The following LRATD1 variants were observed in gnomAD, a reference collection of about 807,000 sequenced individuals.
LRATD1 encodes the protein protein LRATD1.
Under a neutral mutation model 21.3 loss-of-function variants are expected in LRATD1, and 8 were observed. The observed-to-expected ratio is 0.38, with a 90% CI of 0.22 to 0.68. The LOEUF (loss-of-function observed/expected upper bound fraction) is 0.68. LRATD1 is among the 30% of genes least tolerant of loss of function. The probability of loss-of-function intolerance (pLI) is 0.54; values close to 1 mark genes in which losing one functional copy is unlikely to be tolerated. For synonymous variants in LRATD1, 210 were observed against 186.2 expected (o/e 1.13, Z -1.04); for missense variants, 380 against 404.0 (o/e 0.94, Z 0.51).
chr2:14,635,388 A>C lies in LRATD1; in HGVS notation c.*530A>C, dbSNP rs1214204807. Reference sequence around the variant, plus strand: ...AAGAAATCGAGCCTGTCCCTTGTGCACTTGGGAATAATTCCCCAAGACAGC... The same window carrying C: ...AAGAAATCGAGCCTGTCCCTTGTGCCCTTGGGAATAATTCCCCAAGACAGC... On this transcript the variant is annotated 3_prime_UTR_variant, in exon 2 of 2. Coordinates refer to ENST00000295092, the MANE Select transcript of LRATD1 (RefSeq NM_145175.4). The C allele has an allele frequency of 4.2e-6, 2 of 472,570 alleles. No individual in the cohort carries two copies. The highest frequency in any genetic ancestry group is 8.8e-6 in the Non-Finnish European group (2 of 228,082). 29.3% of individuals were successfully genotyped at this position (472,570 alleles called of 1,614,324 possible). A position where few individuals can be genotyped will look rare whatever the true frequency, so the allele number is the denominator to read the frequency against.
Position 14,634,945 on chromosome 2 carries a change from C to G in LRATD1, c.*87C>G, listed in dbSNP as rs773098737. The G allele has an allele frequency of 4.8e-6, 7 of 1,456,366 alleles. No homozygotes were observed. Among genetic ancestry groups the G allele is most frequent in the Middle Eastern group, 3.6e-4 (2 of 5,626 alleles). The allele number at this position is 1,456,366 out of a possible 1,614,324, so 90.2% of individuals were successfully genotyped here. A position where few individuals can be genotyped will look rare whatever the true frequency, so the allele number is the denominator to read the frequency against. ...CCCGGACTTCGCAGTCAGCGGTTCT[C>G]AACCTCTGCCCCGCCCCGCCACGCG... On this transcript the variant is annotated 3_prime_UTR_variant, in exon 2 of 2. Coordinates refer to ENST00000295092, the MANE Select transcript of LRATD1 (RefSeq NM_145175.4).
At position 14,634,051 on chromosome 2, in the gene LRATD1, T is replaced by C; in HGVS notation, c.72T>C (p.Ile24=). 1 of 1,614,082 alleles carries C rather than the reference T, an allele frequency of 6.2e-7. No homozygotes were observed. The highest frequency in any genetic ancestry group is 8.5e-7 in the Non-Finnish European group (1 of 1,180,016). ...SELPTGDPSG[I]EKDELRVGVA... is the part of the protein sequence containing the mutation. ...TGCCCACAGGGGACCCGTCGGGGAT[T>C]GAAAAGGACGAACTGCGGGTCGGGG... The change falls in exon 2 of 2, where the codon ATT becomes ATC. Residue 24 remains isoleucine, a synonymous_variant. Coordinates refer to ENST00000295092, the MANE Select transcript of LRATD1 (RefSeq NM_145175.4).
At position 14,634,541 on chromosome 2, in the gene LRATD1, G is replaced by A. The variant is rs1276503118; in HGVS notation, c.562G>A (p.Val188Met). The A allele has an allele frequency of 1.3e-6, 2 of 1,495,672 alleles. No individual in the cohort carries two copies. Among genetic ancestry groups the A allele is most frequent in the South Asian group, 1.4e-5 (1 of 73,112 alleles). The allele number at this position is 1,495,672 out of a possible 1,614,324, so 92.7% of individuals were successfully genotyped here. A position where few individuals can be genotyped will look rare whatever the true frequency, so the allele number is the denominator to read the frequency against. ...TAGCTGGTACCGCTACCGCCCGCTG[G>A]TGGCCGAGCTGGTGGTGCAGAACGC... ...VNSWYRYRPLVAELVVQNACG... is the reference protein window; with the variant it reads ...VNSWYRYRPLMAELVVQNACG... The change falls in exon 2 of 2, where the codon GTG (valine) becomes ATG (methionine). Residue 188 changes from valine to methionine, a missense_variant. Transcript: ENST00000295092.
rs1671677934 is a variant in LRATD1 at position 14,635,849 on chromosome 2, C to G, written c.*991C>G. 1 of 368,264 alleles carries G rather than the reference C, an allele frequency of 2.7e-6. No homozygotes were observed. Among genetic ancestry groups the G allele is most frequent in the Admixed American group, 3.8e-5 (1 of 26,538 alleles). 22.8% of individuals were successfully genotyped at this position (368,264 alleles called of 1,614,324 possible). On this transcript the variant is annotated 3_prime_UTR_variant, in exon 2 of 2. Coordinates refer to ENST00000295092, the MANE Select transcript of LRATD1 (RefSeq NM_145175.4). ...ACCATTCCAGAAACCAGCATTGTTA[C>G]AACACCATAGCCAGTATATTTAGTT...
At chr2:14,648,507 A>G (rs2103414595) in intron 4 of LRATD1, among the ~76,000 whole-genome samples, 1 of 152,246 alleles carries the variant, frequency 6.6e-6, no homozygotes, top group Non-Finnish European at 1.5e-5. Flanking sequence ...ACTTTTGCAA[A>G]TTTTTTAAAT....
In LRATD1 at chr2:14,633,714, C is replaced by A. The variant is rs1671604948; in HGVS notation, c.-36-230C>A. The stretch of plus-strand genomic sequence containing the variant: ...TCTTCTGGGAGTTGGACCGAGTTCC[C>A]GGAAGGGGTCGGAGGCTGTGTGGTG... On this transcript the variant is annotated intron_variant, in intron 1 of 1. Transcript: ENST00000295092. This position sits in a 1 kb window ranked among gnomAD's most constrained non-coding sequence, Gnocchi z 7.5. 2 of 466,276 alleles carry A rather than the reference C, an allele frequency of 4.3e-6. No homozygotes were observed. Among genetic ancestry groups the A allele is most frequent in the African/African-American group, 1.9e-5 (1 of 51,830 alleles). 28.9% of individuals were successfully genotyped at this position (466,276 alleles called of 1,614,324 possible).
downstream of LRATD1, chr2:14,649,900 T>C (rs1050184798): frequency 1.3e-5 from 2 of 153,340 alleles, no homozygotes; most frequent in African/African-American, 2.4e-5. Flanking sequence ...AGTTCCCTTA[T>C]AAAATAGGTC....
At chr2:14,647,282 G>A (rs542619553) in intron 4 of LRATD1, among the ~76,000 whole-genome samples, 201 of 152,170 alleles carry the variant, frequency 1.3e-3, no homozygotes, top group Middle Eastern at 6.8e-3. Flanking sequence ...GTCTTTATAG[G>A]TGATAAATCT....
At position 14,647,238 on chromosome 2, in the gene LRATD1, T is replaced by G. The variant is rs536803412; in HGVS notation, n.436+773T>G. 1.8e-4 allele frequency among the ~76,000 whole-genome samples: 27 copies of G among 152,184 alleles called. 1 individual carries two copies. The highest frequency in any genetic ancestry group is 3.5e-4 in the Non-Finnish European group (24 of 68,024). ...GTGAATTTTCTTTTATCACTGAGAT[T>G]GCAGGTTTCCCAATTTTTGAATGTG... On this transcript the variant is annotated intron_variant and non_coding_transcript_variant, in intron 4 of 5. Transcript: ENST00000464947.
At position 14,634,876 on chromosome 2, in the gene LRATD1, G is replaced by T. The variant is rs1183243533; in HGVS notation, c.*18G>T. 1.9e-6 allele frequency: 3 copies of T among 1,600,362 alleles called. No individual in the cohort carries two copies. The highest frequency in any genetic ancestry group is 2.6e-6 in the Non-Finnish European group (3 of 1,171,800). Reference sequence around the variant, plus strand: ...AGGAGTAGCCGCCTAGGGGCTGCCGGCCCCTCTGCCTCCCCCGCACCTCGC... The same window carrying T: ...AGGAGTAGCCGCCTAGGGGCTGCCGTCCCCTCTGCCTCCCCCGCACCTCGC... On this transcript the variant is annotated 3_prime_UTR_variant, in exon 2 of 2. Transcript: ENST00000295092.
rs1313990585 is a variant in LRATD1, at chr2:14,639,407, T to C, written c.*4549T>C. ...ATAAAGTGGGGAGGCTATGAGATCA[T>C]ATAATGAGCTAATAAACTTTTCAAC... is the stretch of plus-strand genomic sequence containing the variant. On this transcript the variant is annotated 3_prime_UTR_variant, in exon 2 of 2. Coordinates refer to ENST00000295092, the MANE Select transcript of LRATD1 (RefSeq NM_145175.4). The C allele has an allele frequency of 1.2e-5, 2 of 166,902 alleles. No individual in the cohort carries two copies. The highest frequency in any genetic ancestry group is 2.4e-5 in the African/African-American group (1 of 41,448). 10.3% of individuals were successfully genotyped at this position (166,902 alleles called of 1,614,324 possible).
At position 14,633,389 on chromosome 2, in the gene LRATD1, G is replaced by A. The variant is rs901930738; in HGVS notation, c.-37+452G>A. On this transcript the variant is annotated intron_variant, in intron 1 of 1. Coordinates refer to ENST00000295092, the MANE Select transcript of LRATD1 (RefSeq NM_145175.4). This position sits in a 1 kb window ranked among gnomAD's most constrained non-coding sequence, Gnocchi z 7.5. ...TACACCAGTATACCAGGCTGCCAGTGTCTGGACTCCCAAGTGTCCAAAATG... is the reference window on the plus strand; with the variant it reads ...TACACCAGTATACCAGGCTGCCAGTATCTGGACTCCCAAGTGTCCAAAATG... Among the ~76,000 whole-genome samples the A allele has an allele frequency of 6.6e-6, 1 of 152,234 alleles. No individual in the cohort carries two copies. Among genetic ancestry groups the A allele is most frequent in the Non-Finnish European group, 1.5e-5 (1 of 68,044 alleles).
In LRATD1 at chr2:14,637,090, C is replaced by A. The variant is rs905073303; in HGVS notation, c.*2232C>A. On this transcript the variant is annotated 3_prime_UTR_variant, in exon 2 of 2. Coordinates refer to ENST00000295092, the MANE Select transcript of LRATD1 (RefSeq NM_145175.4). ...AGAACTGAGTCATTTATTTCCCTAA[C>A]TTACTCCTCTTTCAAGTAACAGGTG... 1.8e-5 allele frequency: 3 copies of A among 167,094 alleles called. No individual in the cohort carries two copies. The Admixed American group carries it at 2.0e-4, about 11-fold the overall frequency. The allele number at this position is 167,094 out of a possible 1,614,324, so 10.4% of individuals were successfully genotyped here.
At chr2:14,641,349 T>C (rs1289269502), downstream of LRATD1, among the ~76,000 whole-genome samples, 5 of 152,102 alleles carry the variant, frequency 3.3e-5, no homozygotes, top group African/African-American at 9.7e-5. Context: ...TATGTGTAGG[T>C]GCGGGTGGGT....
downstream of LRATD1, among the ~76,000 whole-genome samples, chr2:14,641,107 C>T (rs563351150): frequency 1.3e-5 from 2 of 152,232 alleles, no homozygotes; most frequent in African/African-American, 4.8e-5. Flanking sequence ...TATCTGTCAA[C>T]CCTTCTCAAG....
chr2:14,644,237 T>A (rs969533363), downstream of LRATD1, among the ~76,000 whole-genome samples: 8 of 152,232 alleles, frequency 5.3e-5, no homozygotes, highest in East Asian at 1.9e-4. Context: ...TATAATTTTT[T>A]AAAAAATACC....
chr2:14,640,025 A>C lies in LRATD1; in HGVS notation c.*5167A>C. 1 of 167,288 alleles carries C rather than the reference A, an allele frequency of 6.0e-6. No homozygotes were observed. 10.4% of individuals were successfully genotyped at this position (167,288 alleles called of 1,614,324 possible). On this transcript the variant is annotated 3_prime_UTR_variant, in exon 2 of 2. Coordinates refer to ENST00000295092, the MANE Select transcript of LRATD1 (RefSeq NM_145175.4). ...TGCTTTTAGCAGAGAAAACAATAAA[A>C]GAATCCAGGAAAAGTAGAAAATGTT...
intron 2 of LRATD1, among the ~76,000 whole-genome samples, chr2:14,645,739 CT>C (rs1282004127): frequency 6.6e-6 from 1 of 152,032 alleles, no homozygotes; most frequent in African/African-American, 2.4e-5. Context: ...TTGAAAAAAC[CT>C]TTTATTACTT....
At chr2:14,650,814 A>T (rs1249296054), downstream of LRATD1, 1 of 152,154 alleles carries the variant, frequency 6.6e-6, no homozygotes, top group African/African-American at 2.4e-5. Flanking sequence ...CTTTGGATAG[A>T]TTCTTTTTTC....
Sources: gnomAD v4.1 joint callset for allele counts (sites outside exome capture counted in the v4.1 genomes callset) on GRCh38, gnomAD v4.1.1 for gene constraint, Gnocchi (gnomAD v3.1) non-coding constraint, MANE v1.5 for transcripts, NCBI Gene and HGNC (gene_info 2026-07-23, HGNC 2026-07-21) for gene names.